DLG2: variants seen among roughly 807,000 people sequenced by gnomAD.
DLG2 encodes discs large MAGUK scaffold protein 2.
In DLG2, 45 loss-of-function variants were observed where a neutral mutation model predicts 132.5. That is an observed-to-expected ratio of 0.34 (90% CI 0.27 to 0.44). The LOEUF is 0.44. Ranked by LOEUF, DLG2 falls within the 20% of genes least tolerant of loss-of-function variation. DLG2 has a pLI of 1.00. For synonymous variants in DLG2, 424 were observed against 419.6 expected, an observed-to-expected ratio of 1.01 and a Z score of -0.13; for missense variants, 1,045 against 1,196.9, an observed-to-expected ratio of 0.87 and a Z score of 1.87.
chr11:85,405,671 G>A (rs190807106), intron 3 of DLG2, among the ~76,000 whole-genome samples: 18 of 152,054 alleles, frequency 1.2e-4, no homozygotes, highest in African/African-American at 4.1e-4. Context: ...GCTTAGAGAG[G>A]TTAAATATTT....
chr11:83,600,236 G>GT (rs2058307782), intron 19 of DLG2, among the ~76,000 whole-genome samples: 1 of 145,512 alleles, frequency 6.9e-6, no homozygotes, highest in Non-Finnish European at 1.5e-5. Flanking sequence ...CTAGCTATAG[G>GT]GTGTGTGTGT....
At chr11:84,640,965 C>CAAAAAAAAAAAACA (rs372969825) in intron 6 of DLG2, among the ~76,000 whole-genome samples, 4 of 138,666 alleles carry the variant, frequency 2.9e-5, no homozygotes, top group African/African-American at 1.0e-4. Context: ...AAAAAAAAAA[C>CAAAAAAAAAAAACA]AAAAAAAAAA....
At chr11:84,195,191 G>A (rs1398026808) in intron 8 of DLG2, among the ~76,000 whole-genome samples, 1 of 152,112 alleles carries the variant, frequency 6.6e-6, no homozygotes, top group East Asian at 1.9e-4. Context: ...TTGAGATGGA[G>A]TCCCACTCTG....
chr11:84,737,656 G>C (rs1365352718), intron 6 of DLG2, among the ~76,000 whole-genome samples: 1 of 152,004 alleles, frequency 6.6e-6, no homozygotes, highest in Non-Finnish European at 1.5e-5. Context: ...GATTGGAATG[G>C]AACAATATTG....
chr11:83,776,109 T>A (rs60854927), intron 18 of DLG2, among the ~76,000 whole-genome samples: 69,504 of 147,912 alleles, frequency 0.47, 16,568 homozygotes, highest in Middle Eastern at 0.67. Flanking sequence ...AATAAATAAA[T>A]AAAATAAATA....
intron 19 of DLG2, among the ~76,000 whole-genome samples, chr11:83,546,368 T>C (rs1204037833): frequency 1.3e-5 from 2 of 152,150 alleles, no homozygotes; most frequent in Admixed American, 6.6e-5. Context: ...CATTCTTAAC[T>C]GTATAATTTG....
At chr11:84,968,811 G>A (rs2053666654) in intron 6 of DLG2, among the ~76,000 whole-genome samples, 1 of 152,110 alleles carries the variant, frequency 6.6e-6, no homozygotes. Flanking sequence ...TGGCAGAACT[G>A]AGATTACAAC....
intron 4 of DLG2, among the ~76,000 whole-genome samples, chr11:85,163,619 A>G (rs1333370870): frequency 6.6e-6 from 1 of 152,184 alleles, no homozygotes; most frequent in East Asian, 1.9e-4. Context: ...AAAGGCATAG[A>G]TTTTAGAGTA....
chr11:85,367,875 C>T (rs1292076879), intron 3 of DLG2, among the ~76,000 whole-genome samples: 1 of 152,024 alleles, frequency 6.6e-6, no homozygotes. Context: ...ATTTATAGAA[C>T]AAATCTTTCT....
chr11:84,972,021 C>G (rs989660956), intron 6 of DLG2, among the ~76,000 whole-genome samples: 1 of 152,046 alleles, frequency 6.6e-6, no homozygotes, highest in Non-Finnish European at 1.5e-5. Context: ...GAAAAAAAGG[C>G]TTTCTTGCTC....
Position 84,502,186 on chromosome 11 carries a change from T to TTCTCTCTCTCTCTCTC in DLG2, c.519+32368_519+32383dup, listed in dbSNP as rs1555630792. Reference sequence around the variant, plus strand: ...TCTCTCTCTCTCTCTTTCTCTCTCTTTCTCTCTCTCTCTCTCCTTCCTTCC... The same window carrying TTCTCTCTCTCTCTCTC: ...TCTCTCTCTCTCTCTTTCTCTCTCTTTCTCTCTCTCTCTCTCTCTCTCTCTCTCTCTCCTTCCTTCC... On this transcript the variant is annotated intron_variant, in intron 7 of 27. Transcript: ENST00000376104. Among the ~76,000 whole-genome samples the TTCTCTCTCTCTCTCTC allele has an allele frequency of 4.7e-4, 6 of 12,880 alleles. 2 individuals carry two copies. The highest frequency in any genetic ancestry group is 1.2e-3 in the East Asian group (1 of 820). The allele number at this position is 12,880 out of a possible 152,430, so 8.4% of individuals were successfully genotyped here. A position where few individuals can be genotyped will look rare whatever the true frequency, so the allele number is the denominator to read the frequency against.
At chr11:83,644,786 C>T (rs960729790) in intron 18 of DLG2, among the ~76,000 whole-genome samples, 11 of 151,956 alleles carry the variant, frequency 7.2e-5, no homozygotes, top group African/African-American at 2.4e-4. Context: ...TAATTTTTGG[C>T]AAAGGATCTA....
At chr11:83,911,032 G>A (rs1182934624) in intron 15 of DLG2, among the ~76,000 whole-genome samples, 2 of 152,074 alleles carry the variant, frequency 1.3e-5, no homozygotes, top group Non-Finnish European at 2.9e-5. Context: ...GCCTAAAGTA[G>A]GCAAAACATG....
At position 83,500,239 on chromosome 11, in the gene DLG2, T is replaced by C. The variant is rs977255812; in HGVS notation, c.2194-16011A>G. 7.9e-5 allele frequency among the ~76,000 whole-genome samples: 12 copies of C among 152,170 alleles called. No individual in the cohort carries two copies. The South Asian group carries it at 1.7e-3, about 21-fold the overall frequency. On this transcript the variant is annotated intron_variant, in intron 21 of 27. Transcript: ENST00000376104. ...ATTATGCATGTGTTCAGTATATATT[T>C]GGTGCATGAATAAATGGATGTAAGT... is the stretch of plus-strand genomic sequence containing the variant.
At chr11:83,729,351 T>C (rs1436263377) in intron 18 of DLG2, among the ~76,000 whole-genome samples, 1 of 152,192 alleles carries the variant, frequency 6.6e-6, no homozygotes, top group Admixed American at 6.5e-5. Flanking sequence ...TGACAGTTAC[T>C]GAATGAAAAA....
At chr11:83,698,028 G>A (rs2153635659) in intron 18 of DLG2, among the ~76,000 whole-genome samples, 1 of 152,302 alleles carries the variant, frequency 6.6e-6, no homozygotes, top group East Asian at 1.9e-4. Context: ...TCAAGTCTCT[G>A]CCATTCACTA....
intron 9 of DLG2, among the ~76,000 whole-genome samples, chr11:84,141,841 T>G (rs1279902634): frequency 6.6e-6 from 1 of 152,256 alleles, no homozygotes; most frequent in East Asian, 1.9e-4. Flanking sequence ...TGTGAAATAA[T>G]AATCTCTGGA....
At chr11:83,807,691 G>T (rs1161705263) in intron 17 of DLG2, among the ~76,000 whole-genome samples, 2 of 152,142 alleles carry the variant, frequency 1.3e-5, no homozygotes, top group African/African-American at 2.4e-5. Context: ...TTTAACTGTG[G>T]AAGGAGATCA....
intron 2 of DLG2, among the ~76,000 whole-genome samples, chr11:85,611,259 A>C (rs1274057663): frequency 6.6e-6 from 1 of 152,172 alleles, no homozygotes; most frequent in Non-Finnish European, 1.5e-5. Flanking sequence ...CAAGGAAAAG[A>C]TCTCACTGTC....
Sources: gnomAD v4.1 joint callset for allele counts (sites outside exome capture counted in the v4.1 genomes callset) on GRCh38, gnomAD v4.1.1 for gene constraint, MANE v1.5 for transcripts, NCBI Gene and HGNC (gene_info 2026-07-23, HGNC 2026-07-21) for gene names.